The following SLC25A26 variants were observed in gnomAD, a reference collection of about 807,000 sequenced individuals.
SLC25A26 encodes mitochondrial S-adenosylmethionine carrier protein.
In SLC25A26, 36 loss-of-function variants were observed where a neutral mutation model predicts 37.8. The ratio of observed to expected loss-of-function variants is 0.95; its 90% CI spans 0.73 to 1.26. SLC25A26 has a LOEUF of 1.26. Ranked by LOEUF, SLC25A26 falls within the 50% of genes most tolerant of loss-of-function variation. SLC25A26 has a pLI of 0.00. For synonymous variants in SLC25A26, 129 were observed against 122.5 expected, an observed-to-expected ratio of 1.05 and a Z score of -0.35; for missense variants, 390 against 331.1, an observed-to-expected ratio of 1.18 and a Z score of -1.38.
chr3:66,238,590 C>T (rs1175505473), intron 2 of SLC25A26, among the ~76,000 whole-genome samples: 1 of 152,084 alleles, frequency 6.6e-6, no homozygotes, highest in Admixed American at 6.6e-5. Context: ...ACCATGTTAT[C>T]CCGACGTCAC....
intron 7 of SLC25A26, among the ~76,000 whole-genome samples, chr3:66,366,253 G>A (rs963835324): frequency 6.6e-6 from 1 of 152,152 alleles, no homozygotes; most frequent in African/African-American, 2.4e-5. Flanking sequence ...ATGTTAGACT[G>A]TTCCTTGTAT....
chr3:66,262,072 C>T lies in SLC25A26; in HGVS notation c.322C>T (p.Pro108Ser), dbSNP rs760813625. Residue 108 changes from proline (P) to serine (S), a missense_variant, in exon 4 of 10, where the codon CCA becomes TCA. Pro to Ser is a moderately conservative substitution (Grantham distance 74). Transcript: ENST00000354883. ...TTAGGTTGCCTGCCTGATTCGAGTT[C>T]CATCTGAAGTGGTTAAGCAGAGGGC... The part of the protein sequence containing the change: ...GEVVACLIRV[P>S]SEVVKQRAQV... The T allele has an allele frequency of 6.3e-7, 1 of 1,583,784 alleles. No homozygotes were observed. The highest frequency in any genetic ancestry group is 1.2e-5 in the South Asian group (1 of 85,030).
intron 6 of SLC25A26, among the ~76,000 whole-genome samples, chr3:66,350,249 T>C (rs959147271): frequency 2.6e-5 from 4 of 152,206 alleles, no homozygotes; most frequent in Admixed American, 1.3e-4. Context: ...CTGGAGGTGG[T>C]GGTGGCCACT....
intron 1 of SLC25A26, among the ~76,000 whole-genome samples, chr3:66,225,411 C>T (rs368384346): frequency 1.5e-4 from 23 of 152,282 alleles, no homozygotes; most frequent in South Asian, 6.2e-4. Context: ...CTTCTAGCCA[C>T]GGCTGTAATG....
chr3:66,266,576 CTTTTTTTT>C (rs1004250488), intron 5 of SLC25A26, among the ~76,000 whole-genome samples: 4 of 111,564 alleles, frequency 3.6e-5, no homozygotes, highest in African/African-American at 1.5e-4. Flanking sequence ...TGTTGTCACA[CTTTTTTTT>C]TTTTTTTTTT....
intron 1 of SLC25A26, among the ~76,000 whole-genome samples, chr3:66,206,219 C>T (rs1453406830): frequency 1.1e-4 from 16 of 152,110 alleles, no homozygotes; most frequent in African/African-American, 3.9e-4. Flanking sequence ...TCCGCCATAA[C>T]TGTACGTCAA....
At chr3:66,219,852 CA>C (rs2071421588), upstream of SLC25A26, among the ~76,000 whole-genome samples, 1 of 152,138 alleles carries the variant, frequency 6.6e-6, no homozygotes, top group African/African-American at 2.4e-5. Context: ...AATAGTACCG[CA>C]TGACAAAGTG....
chr3:66,216,866 G>A (rs1347683383), upstream of SLC25A26, among the ~76,000 whole-genome samples: 2 of 152,144 alleles, frequency 1.3e-5, no homozygotes, highest in Non-Finnish European at 2.9e-5. Flanking sequence ...GCAATGTGGT[G>A]ATAATGATGA....
chr3:66,199,208 G>C (rs2071081314), intron 1 of SLC25A26, among the ~76,000 whole-genome samples: 1 of 151,674 alleles, frequency 6.6e-6, no homozygotes, highest in African/African-American at 2.4e-5. Flanking sequence ...CTCTGACCCT[G>C]ACACTACCCC....
intron 1 of SLC25A26, among the ~76,000 whole-genome samples, chr3:66,147,541 A>G (rs934550456): frequency 6.6e-6 from 1 of 152,062 alleles, no homozygotes; most frequent in African/African-American, 2.4e-5. Flanking sequence ...CTGTGCGGCT[A>G]TAAATGTGTG....
intron 1 of SLC25A26, among the ~76,000 whole-genome samples, chr3:66,143,786 T>G (rs768131755): frequency 3.9e-5 from 6 of 151,998 alleles, no homozygotes; most frequent in Admixed American, 1.3e-4. Flanking sequence ...CAGGCTGAGA[T>G]AGGAGGGTTG....
intron 5 of SLC25A26, among the ~76,000 whole-genome samples, chr3:66,340,499 A>T (rs1028478308): frequency 2.0e-5 from 3 of 151,952 alleles, no homozygotes; most frequent in African/African-American, 4.8e-5. Context: ...TCCACGGACC[A>T]CCCGTTCTCA....
intron 6 of SLC25A26, among the ~76,000 whole-genome samples, chr3:66,354,670 A>G (rs1171766157): frequency 6.6e-6 from 1 of 152,222 alleles, no homozygotes; most frequent in Non-Finnish European, 1.5e-5. Flanking sequence ...GAAGAGGCTC[A>G]GTGCTCAGGG....
intron 1 of SLC25A26, among the ~76,000 whole-genome samples, chr3:66,148,039 G>A (rs936171450): frequency 3.3e-5 from 5 of 152,206 alleles, no homozygotes; most frequent in African/African-American, 7.2e-5. Flanking sequence ...TTATAGGCGT[G>A]AGCCACCATG....
intron 5 of SLC25A26, among the ~76,000 whole-genome samples, chr3:66,320,191 A>G (rs1011486902): frequency 6.6e-6 from 1 of 152,190 alleles, no homozygotes; most frequent in Admixed American, 6.5e-5. Flanking sequence ...TTGTGCAACC[A>G]TGATCACTAT....
At chr3:66,136,535 G>A (rs556697301) in intron 1 of SLC25A26, among the ~76,000 whole-genome samples, 78 of 152,226 alleles carry the variant, frequency 5.1e-4, no homozygotes, top group African/African-American at 1.7e-3. Context: ...GCACTGTCTC[G>A]TCACTAAGAA....
chr3:66,243,878 C>A (rs1281641373), intron 3 of SLC25A26, among the ~76,000 whole-genome samples: 1 of 152,204 alleles, frequency 6.6e-6, no homozygotes, highest in Non-Finnish European at 1.5e-5. Flanking sequence ...CCATCAGCTT[C>A]TCCAAATTCT....
Position 66,377,724 on chromosome 3 carries a change from A to G in SLC25A26, c.742A>G (p.Ile248Val), listed in dbSNP as rs138640924. The change falls in exon 10 of 10, where the codon ATC (isoleucine) becomes GTC (valine). Residue 248 changes from isoleucine to valine, a missense_variant. Physicochemically the swap from Ile to Val is conservative, Grantham distance 29. Transcript: ENST00000354883. Reference protein sequence around the residue: ...FAGVFPRMAAISLGGFIFLGA... With the variant: ...FAGVFPRMAAVSLGGFIFLGA... ...AGGTGTCTTCCCTCGAATGGCAGCCATCAGTCTGGGAGGTTTCATCTTTCT... is the reference window on the plus strand; with the variant it reads ...AGGTGTCTTCCCTCGAATGGCAGCCGTCAGTCTGGGAGGTTTCATCTTTCT... 3 of 1,613,924 alleles carry G rather than the reference A, an allele frequency of 1.9e-6. No individual in the cohort carries two copies. The highest frequency in any genetic ancestry group is 1.3e-5 in the African/African-American group (1 of 75,036).
At chr3:66,192,317 C>CA (rs1229602690) in intron 1 of SLC25A26, among the ~76,000 whole-genome samples, 41,975 of 111,226 alleles carry the variant, frequency 0.38, 8,631 homozygotes, top group Admixed American at 0.49. Flanking sequence ...CTCCATGTCA[C>CA]AAAAAAAAAA....
Sources: gnomAD v4.1 joint callset for allele counts (sites outside exome capture counted in the v4.1 genomes callset) on GRCh38, gnomAD v4.1.1 for gene constraint, MANE v1.5 for transcripts, NCBI Gene and HGNC (gene_info 2026-07-23, HGNC 2026-07-21) for gene names.